PATJ: variants seen among roughly 807,000 people sequenced by gnomAD.
PATJ encodes inaD-like protein.
PATJ carries 190 observed loss-of-function variants against 224.9 expected under a neutral mutation model. The ratio of observed to expected loss-of-function variants is 0.84; its 90% CI spans 0.75 to 0.95. The LOEUF (loss-of-function observed/expected upper bound fraction) is 0.95. Ranked by LOEUF, PATJ falls within the 40% of genes least tolerant of loss-of-function variation. PATJ has a pLI of 0.00. For missense variants in PATJ, 2,121 were observed against 2,270.3 expected, an observed-to-expected ratio of 0.93 and a Z score of 1.34; for synonymous variants, 769 against 820.3, an observed-to-expected ratio of 0.94 and a Z score of 1.07.
rs369826109 is a variant in PATJ, at chr1:61,952,276, GAGAA to G, written c.3670+24449_3670+24452del. The G allele has an allele frequency of 0.012, 7,169 of 616,200 alleles. 517 individuals are homozygous for G. In the African/African-American group the frequency reaches 0.12, roughly 10 times the overall value. The allele number at this position is 616,200 out of a possible 1,614,324, so 38.2% of individuals were successfully genotyped here. A position where few individuals can be genotyped will look rare whatever the true frequency, so the allele number is the denominator to read the frequency against. On this transcript the variant is annotated intron_variant, in intron 27 of 43. Coordinates refer to ENST00000642238, the MANE Select transcript of PATJ (RefSeq NM_001350145.3). ...TCTGAGAGAGAGAGAGAGAGAGAGA[GAGAA>G]AAATAGGCCCAAGGTCGTCAGAAGA...
At chr1:61,871,184 G>GA (rs1330754986) in intron 20 of PATJ, among the ~76,000 whole-genome samples, 1 of 142,418 alleles carries the variant, frequency 7.0e-6, no homozygotes, top group Non-Finnish European at 1.5e-5. Context: ...AAAAAAACCA[G>GA]AAAAAAGAAA....
At chr1:61,879,833 A>ATTTT (rs11386909) in intron 21 of PATJ, among the ~76,000 whole-genome samples, 1 of 145,594 alleles carries the variant, frequency 6.9e-6, no homozygotes, top group Non-Finnish European at 1.5e-5. Flanking sequence ...TACTCCATCT[A>ATTTT]TTTTTTTTTT....
At chr1:61,751,909 C>T (rs988455367) in intron 1 of PATJ, among the ~76,000 whole-genome samples, 12 of 152,126 alleles carry the variant, frequency 7.9e-5, no homozygotes, top group Non-Finnish European at 1.3e-4. Context: ...GAGGCCGAGG[C>T]GGGTGGATCA....
intron 31 of PATJ, among the ~76,000 whole-genome samples, chr1:62,070,308 C>T (rs1657174321): frequency 6.6e-6 from 1 of 152,164 alleles, no homozygotes; most frequent in African/African-American, 2.4e-5. Flanking sequence ...TCTTTTTTCT[C>T]TCTTTTCAAG....
chr1:62,124,987 G>T (rs549294562), intron 39 of PATJ, among the ~76,000 whole-genome samples: 3 of 152,036 alleles, frequency 2.0e-5, no homozygotes, highest in Non-Finnish European at 4.4e-5. Flanking sequence ...AGCATTGTGG[G>T]AGGCCGAGGT....
chr1:61,871,214 T>TTTTTTA (rs1429213048), intron 20 of PATJ, among the ~76,000 whole-genome samples: 1 of 147,876 alleles, frequency 6.8e-6, no homozygotes, highest in Non-Finnish European at 1.5e-5. Context: ...ATTTAATTTA[T>TTTTTTA]TTTTTATTTT....
chr1:61,858,677 C>T lies in PATJ; in HGVS notation c.2322+2438C>T, dbSNP rs373184685. 7.4e-4 allele frequency among the ~76,000 whole-genome samples: 113 copies of T among 152,314 alleles called. No homozygotes were observed. The South Asian group carries it at 8.1e-3, about 11-fold the overall frequency. On this transcript the variant is annotated intron_variant, in intron 18 of 43. Coordinates refer to ENST00000642238, the MANE Select transcript of PATJ (RefSeq NM_001350145.3). ...TGTCACCCAAACATCTCCCACCAGG[C>T]CCCACCTCTAGCTTTGGGGATTAAA...
At chr1:61,796,744 T>TA (rs1651370399) in intron 10 of PATJ, among the ~76,000 whole-genome samples, 1 of 119,104 alleles carries the variant, frequency 8.4e-6, no homozygotes, top group Admixed American at 8.5e-5. Context: ...TTCTTTCTTT[T>TA]TTTTCTTCCT....
intron 9 of PATJ, among the ~76,000 whole-genome samples, chr1:61,795,045 G>A (rs1320123324): frequency 6.8e-6 from 1 of 146,218 alleles, no homozygotes; most frequent in African/African-American, 2.5e-5. Flanking sequence ...GCTAACATGA[G>A]CAGTGATCTA....
At chr1:61,748,651 T>C (rs1340991939) in intron 1 of PATJ, among the ~76,000 whole-genome samples, 3 of 152,196 alleles carry the variant, frequency 2.0e-5, no homozygotes, top group South Asian at 2.1e-4. Context: ...TTCAGTCTTC[T>C]CAGAACTAAC....
intron 5 of PATJ, 30 bp downstream of exon 5, chr1:61,769,452 A>C (rs1646477155): frequency 6.3e-7 from 1 of 1,598,454 alleles, no homozygotes; most frequent in Non-Finnish European, 8.5e-7. Flanking sequence ...TCATTTTGCT[A>C]ATTGTTTCCT....
rs1304542045 is a variant in PATJ, at chr1:62,153,363, C to T, written c.5384C>T (p.Pro1795Leu). 8.1e-7 allele frequency: 1 copy of T among 1,231,294 alleles called. No homozygotes were observed. Among genetic ancestry groups the T allele is most frequent in the Non-Finnish European group, 1.0e-6 (1 of 987,258 alleles). 76.3% of individuals were successfully genotyped at this position (1,231,294 alleles called of 1,614,324 possible). ...AEHHPEDTET[P>L]PPKIITLEKG... is the part of the protein sequence containing the mutation. Reference sequence around the variant, plus strand: ...AGCATGCATTGTGTTTTCAGAACACCTCCACCTAAGATTATTACTTTGGAG... The same window carrying T: ...AGCATGCATTGTGTTTTCAGAACACTTCCACCTAAGATTATTACTTTGGAG... Residue 1795 changes from proline to leucine, a missense_variant, in exon 43 of 44, where the codon CCT (proline) becomes CTT (leucine). Transcript: ENST00000642238.
Position 61,831,979 on chromosome 1 carries a change from G to A in PATJ, c.1981-1675G>A, listed in dbSNP as rs1401103107. On this transcript the variant is annotated intron_variant, in intron 16 of 43. Transcript: ENST00000642238. ...GAAAATGTGGTACATAGACACCATG[G>A]AATACTATCCAGCCATAAAAAAGAA... 3.9e-5 allele frequency among the ~76,000 whole-genome samples: 6 copies of A among 152,296 alleles called. No homozygotes were observed. The South Asian group carries it at 1.2e-3, about 32-fold the overall frequency.
chr1:62,032,009 C>T (rs1398815679), intron 29 of PATJ, among the ~76,000 whole-genome samples: 1 of 152,048 alleles, frequency 6.6e-6, no homozygotes, highest in Non-Finnish European at 1.5e-5. Context: ...TGACAAATTA[C>T]CAAAATTGAA....
intron 27 of PATJ, among the ~76,000 whole-genome samples, chr1:61,966,814 T>G (rs1009641732): frequency 6.6e-6 from 1 of 152,196 alleles, no homozygotes; most frequent in African/African-American, 2.4e-5. Flanking sequence ...GGTGGATGCC[T>G]TCCCTTTTTA....
intron 41 of PATJ, among the ~76,000 whole-genome samples, chr1:62,131,937 C>A (rs1410433064): frequency 6.6e-6 from 1 of 151,556 alleles, no homozygotes; most frequent in Non-Finnish European, 1.5e-5. Context: ...CAACCTCCCC[C>A]TCCCGGGTTC....
chr1:62,161,172 C>A lies in PATJ; in HGVS notation c.*118C>A. 1.3e-6 allele frequency: 1 copy of A among 755,882 alleles called. No homozygotes were observed. Among genetic ancestry groups the A allele is most frequent in the Non-Finnish European group, 1.9e-6 (1 of 529,050 alleles). The allele number at this position is 755,882 out of a possible 1,614,324, so 46.8% of individuals were successfully genotyped here. A position where few individuals can be genotyped will look rare whatever the true frequency, so the allele number is the denominator to read the frequency against. On this transcript the variant is annotated 3_prime_UTR_variant, in exon 44 of 44. Coordinates refer to ENST00000642238, the MANE Select transcript of PATJ (RefSeq NM_001350145.3). The stretch of plus-strand genomic sequence containing the variant: ...AATGCACCTTCATTCTTATTTCTTG[C>A]CCTCTCTGCTCAGGAGAAATGGCTG...
At chr1:61,844,891 G>A (rs560429556) in intron 17 of PATJ, among the ~76,000 whole-genome samples, 4 of 152,128 alleles carry the variant, frequency 2.6e-5, no homozygotes, top group South Asian at 2.1e-4. Flanking sequence ...TCCCCTTTGC[G>A]TTACACCATG....
At chr1:62,156,142 G>A (rs1407750882) in intron 43 of PATJ, among the ~76,000 whole-genome samples, 1 of 151,380 alleles carries the variant, frequency 6.6e-6, no homozygotes, top group East Asian at 1.9e-4. Flanking sequence ...TTGAGAGGCT[G>A]AGGCAGGAGA....
Sources: allele counts gnomAD v4.1 joint callset (sites outside exome capture counted in the v4.1 genomes callset), GRCh38; gene constraint gnomAD v4.1.1; transcripts MANE v1.5; gene names NCBI Gene and HGNC (gene_info 2026-07-23, HGNC 2026-07-21).